Variants in CCDC6 observed in about 807,000 individuals in gnomAD.
CCDC6 encodes coiled-coil domain containing 6.
CCDC6 carries 20 observed loss-of-function variants against 56.6 expected under a neutral mutation model. The observed-to-expected ratio is 0.35, with a 90% CI of 0.25 to 0.51. The LOEUF (loss-of-function observed/expected upper bound fraction) is 0.51, where lower values mean the gene tolerates loss of function less well. Ranked by LOEUF, CCDC6 falls within the 20% of genes least tolerant of loss-of-function variation. CCDC6 has a pLI of 0.95. For missense variants in CCDC6, 367 were observed against 601.1 expected (o/e 0.61, Z 4.07); for synonymous variants, 241 against 234.4 (o/e 1.03, Z -0.26).
intron 1 of CCDC6, among the ~76,000 whole-genome samples, chr10:59,886,897 C>T (rs995135145): frequency 5.3e-5 from 8 of 152,126 alleles, no homozygotes; most frequent in African/African-American, 1.9e-4. Context: ...TGCTTATCCA[C>T]CCCCTTGAGA....
At chr10:59,823,552 T>C (rs2070763532) in intron 3 of CCDC6, among the ~76,000 whole-genome samples, 1 of 152,204 alleles carries the variant, frequency 6.6e-6, no homozygotes, top group East Asian at 1.9e-4. Context: ...GACTTTGTTG[T>C]CTCCCAACCC....
At chr10:59,817,113 C>T (rs189903496) in intron 3 of CCDC6, among the ~76,000 whole-genome samples, 21 of 152,326 alleles carry the variant, frequency 1.4e-4, no homozygotes, top group African/African-American at 5.0e-4. Context: ...TATATGACTC[C>T]TATTAAACCT....
chr10:59,878,020 T>C (rs1026020181), intron 1 of CCDC6, among the ~76,000 whole-genome samples: 15 of 152,242 alleles, frequency 9.9e-5, no homozygotes, highest in African/African-American at 2.7e-4. Context: ...CGGGTATCTA[T>C]GGAATTTAGA....
chr10:59,848,130 G>A (rs7079228), intron 2 of CCDC6, among the ~76,000 whole-genome samples: 78,220 of 151,964 alleles, frequency 0.51, 21,920 homozygotes, highest in African/African-American at 0.75. Flanking sequence ...GCAGATTTCC[G>A]CCTTGTAACC....
intron 3 of CCDC6, among the ~76,000 whole-genome samples, chr10:59,831,251 G>A (rs1490488168): frequency 6.6e-6 from 1 of 152,194 alleles, no homozygotes; most frequent in Non-Finnish European, 1.5e-5. Context: ...GCCAGCACTT[G>A]AAAACTGAAC....
At chr10:59,824,946 C>A (rs2070776153) in intron 3 of CCDC6, among the ~76,000 whole-genome samples, 1 of 152,164 alleles carries the variant, frequency 6.6e-6, no homozygotes, top group African/African-American at 2.4e-5. Context: ...ATGCAAGTGA[C>A]TCCTCAAGGA....
intron 7 of CCDC6, among the ~76,000 whole-genome samples, chr10:59,803,589 C>G (rs1564737793): frequency 6.6e-6 from 1 of 152,194 alleles, no homozygotes; most frequent in South Asian, 2.1e-4. Context: ...TCTTTCCTCC[C>G]CCTACTCCAC....
At chr10:59,886,764 T>C (rs1367432180) in intron 1 of CCDC6, among the ~76,000 whole-genome samples, 2 of 152,142 alleles carry the variant, frequency 1.3e-5, no homozygotes, top group African/African-American at 2.4e-5. Flanking sequence ...CATTGTAACA[T>C]ATAGAGTTCT....
chr10:59,817,397 C>T (rs2070717604), intron 3 of CCDC6, among the ~76,000 whole-genome samples: 3 of 152,120 alleles, frequency 2.0e-5, no homozygotes, highest in Admixed American at 2.0e-4. Flanking sequence ...CCAGGCTGGT[C>T]TTGAATTCCT....
intron 2 of CCDC6, among the ~76,000 whole-genome samples, chr10:59,847,817 CTTTTTT>C (rs757902015): frequency 3.8e-5 from 4 of 104,862 alleles, no homozygotes; most frequent in Non-Finnish European, 7.5e-5. Context: ...GCCTTTTAGA[CTTTTTT>C]TTTTTTTTTT....
intron 1 of CCDC6, among the ~76,000 whole-genome samples, chr10:59,874,107 T>A (rs1348328513): frequency 2.5e-5 from 3 of 120,986 alleles, no homozygotes; most frequent in Non-Finnish European, 3.4e-5. Context: ...TCCTTACACA[T>A]TTACCTAGCA....
At chr10:59,895,073 G>A (rs1440725436) in intron 1 of CCDC6, among the ~76,000 whole-genome samples, 1 of 152,168 alleles carries the variant, frequency 6.6e-6, no homozygotes, top group Non-Finnish European at 1.5e-5. Flanking sequence ...AGGCCAAGGT[G>A]AAAGGACGGC....
intron 7 of CCDC6, among the ~76,000 whole-genome samples, chr10:59,797,803 G>T (rs117455699): frequency 1.2e-3 from 176 of 151,988 alleles, no homozygotes; most frequent in Non-Finnish European, 2.0e-3. Context: ...TTCCCTAAAA[G>T]AACCTGGTAT....
chr10:59,861,344 G>A (rs1020357341), intron 1 of CCDC6, among the ~76,000 whole-genome samples: 1 of 144,974 alleles, frequency 6.9e-6, no homozygotes, highest in East Asian at 2.2e-4. Flanking sequence ...GGGCAACGGA[G>A]TAAGACTTCA....
intron 5 of CCDC6, among the ~76,000 whole-genome samples, chr10:59,811,456 G>A (rs72817915): frequency 0.22 from 34,076 of 152,130 alleles, 4,113 homozygotes; most frequent in Middle Eastern, 0.29. Context: ...CAACCAAAAA[G>A]GGTCCACTGG....
chr10:59,817,390 G>A (rs1000390539), intron 3 of CCDC6, among the ~76,000 whole-genome samples: 1 of 152,096 alleles, frequency 6.6e-6, no homozygotes, highest in African/African-American at 2.4e-5. Flanking sequence ...ACGTTGCCCA[G>A]GCTGGTCTTG....
At chr10:59,833,035 A>G (rs1329442208) in intron 2 of CCDC6, among the ~76,000 whole-genome samples, 3 of 152,272 alleles carry the variant, frequency 2.0e-5, no homozygotes, top group Non-Finnish European at 4.4e-5. Flanking sequence ...ATACTTAGGT[A>G]AATTATTCAG....
At chr10:59,898,969 C>A (rs1047368363) in intron 1 of CCDC6, among the ~76,000 whole-genome samples, 1 of 152,108 alleles carries the variant, frequency 6.6e-6, no homozygotes, top group Non-Finnish European at 1.5e-5. Context: ...TATTGTTAAG[C>A]CTTTTTTAAA....
At chr10:59,895,286 AGC>A (rs2071453689) in intron 1 of CCDC6, among the ~76,000 whole-genome samples, 1 of 152,208 alleles carries the variant, frequency 6.6e-6, no homozygotes, top group South Asian at 2.1e-4. Flanking sequence ...TGTGTGACAG[AGC>A]GAGACCCTGT....
Sources: allele counts gnomAD v4.1 joint callset (sites outside exome capture counted in the v4.1 genomes callset), GRCh38; gene constraint gnomAD v4.1.1; transcripts MANE v1.5; gene names NCBI Gene and HGNC (gene_info 2026-07-23, HGNC 2026-07-21).